AOPEP: variants seen among roughly 807,000 people sequenced by gnomAD.
The protein encoded by AOPEP is aminopeptidase O.
A neutral mutation model predicts 98.1 loss-of-function variants in AOPEP; 77 were observed. The observed-to-expected ratio is 0.78, with a 90% confidence interval of 0.65 to 0.95. The LOEUF (loss-of-function observed/expected upper bound fraction) is 0.95, where lower values mean the gene tolerates loss of function less well. Ranked by LOEUF, AOPEP falls within the 40% of genes least tolerant of loss-of-function variation. AOPEP has a pLI of 0.00. For synonymous variants in AOPEP, 346 were observed against 365.3 expected (o/e 0.95, Z 0.60); for missense variants, 1,024 against 1,024.7 (o/e 1.00, Z 0.01).
At chr9:95,138,976 T>C in the AOPEP span, among the ~76,000 whole-genome samples, 4 of 152,222 alleles carry the variant, frequency 2.6e-5, no homozygotes, top group African/African-American at 9.6e-5. Flanking sequence ...CTGTGTTTAA[T>C]ATTTGGATAG....
intron 7 of AOPEP, among the ~76,000 whole-genome samples, chr9:94,940,788 C>T (rs754632858): frequency 6.6e-6 from 1 of 152,002 alleles, no homozygotes; most frequent in Non-Finnish European, 1.5e-5. Flanking sequence ...TTCTGATTTC[C>T]TCAGCCTGGC....
chr9:95,022,218 G>C (rs1003048379), intron 13 of AOPEP: 1 of 152,178 alleles, frequency 6.6e-6, no homozygotes, highest in Non-Finnish European at 1.5e-5. Context: ...GATGTTCCAG[G>C]TGTCTAGAGG....
chr9:94,963,339 A>G (rs1433726243), intron 9 of AOPEP, among the ~76,000 whole-genome samples: 1 of 152,196 alleles, frequency 6.6e-6, no homozygotes, highest in Non-Finnish European at 1.5e-5. Context: ...AAAAATAGTT[A>G]CCAAATTAGC....
intron 16 of AOPEP, among the ~76,000 whole-genome samples, chr9:95,084,329 T>G (rs918007860): frequency 1.3e-5 from 2 of 152,230 alleles, no homozygotes; most frequent in African/African-American, 2.4e-5. Context: ...TAAAAAGTTT[T>G]TCAGAAGCAT....
intron 11 of AOPEP, among the ~76,000 whole-genome samples, chr9:94,993,872 A>T (rs1412050311): frequency 1.3e-5 from 2 of 152,150 alleles, no homozygotes; most frequent in Non-Finnish European, 2.9e-5. Flanking sequence ...TGGGACTCAG[A>T]CTCCAGGGCA....
In AOPEP at chr9:94,760,297, A is replaced by G; in HGVS notation, c.514A>G (p.Arg172Gly). 1 of 1,614,166 alleles carries G rather than the reference A, an allele frequency of 6.2e-7. No individual in the cohort carries two copies. The highest frequency in any genetic ancestry group is 8.5e-7 in the Non-Finnish European group (1 of 1,180,026). ...AAVPGLEKFT[R>G]SPELTVVSEE... is the part of the protein sequence containing the mutation. Reference sequence around the variant, plus strand: ...TGTGCCAGGTCTGGAAAAATTTACAAGGTCTCCTGAGCTCACGGTTGTTTC... The same window carrying G: ...TGTGCCAGGTCTGGAAAAATTTACAGGGTCTCCTGAGCTCACGGTTGTTTC... The change falls in exon 2 of 17, where the codon AGG (arginine) becomes GGG (glycine). Residue 172 changes from arginine (R) to glycine (G), a missense_variant. By Grantham distance (125) the Arg-to-Gly change is moderately radical (BLOSUM62 -2). Coordinates refer to ENST00000375315, the MANE Select transcript of AOPEP (RefSeq NM_001193329.3).
At chr9:94,912,896 T>C (rs1161570859) in intron 5 of AOPEP, among the ~76,000 whole-genome samples, 1 of 152,240 alleles carries the variant, frequency 6.6e-6, no homozygotes, top group Non-Finnish European at 1.5e-5. Flanking sequence ...TGCCAGTCAC[T>C]GCACCAGCCC....
intron 1 of AOPEP, among the ~76,000 whole-genome samples, chr9:94,730,621 C>G (rs897225825): frequency 2.6e-5 from 4 of 152,158 alleles, no homozygotes; most frequent in African/African-American, 9.7e-5. Flanking sequence ...TAGGATCTCT[C>G]TATCTTCGGA....
At chr9:94,821,778 T>C (rs1200579168) in intron 5 of AOPEP, among the ~76,000 whole-genome samples, 1 of 152,234 alleles carries the variant, frequency 6.6e-6, no homozygotes, top group African/African-American at 2.4e-5. Flanking sequence ...TTTTTCTTTT[T>C]GGTGGTAACA....
intron 9 of AOPEP, among the ~76,000 whole-genome samples, chr9:94,958,061 C>T (rs965037686): frequency 2.0e-5 from 3 of 152,170 alleles, no homozygotes; most frequent in Non-Finnish European, 4.4e-5. Flanking sequence ...TTTCCTCCCC[C>T]AGCCCCAGCA....
intron 1 of AOPEP, among the ~76,000 whole-genome samples, chr9:94,731,622 C>T (rs1007238796): frequency 3.3e-5 from 5 of 151,846 alleles, no homozygotes; most frequent in African/African-American, 1.2e-4. Flanking sequence ...CCAAAAAGCC[C>T]TGGTTTCTGT....
At chr9:94,763,888 A>G (rs1420645809) in intron 2 of AOPEP, among the ~76,000 whole-genome samples, 1 of 152,214 alleles carries the variant, frequency 6.6e-6, no homozygotes, top group Non-Finnish European at 1.5e-5. Flanking sequence ...TAAACAAATG[A>G]GGAAGAATAG....
the AOPEP span, chr9:95,107,272 G>A: frequency 1.4e-3 from 2,248 of 1,613,362 alleles, 35 homozygotes; most frequent in African/African-American, 0.027. Flanking sequence ...ACCTGGACCT[G>A]GGCAATAGTA....
chr9:95,126,640 G>T, the AOPEP span: 3 of 1,550,096 alleles, frequency 1.9e-6, no homozygotes, highest in Non-Finnish European at 2.7e-6. Context: ...TCAGAAACTT[G>T]CTATTATCAG....
intron 5 of AOPEP, among the ~76,000 whole-genome samples, chr9:94,903,623 T>TAA (rs11375914): frequency 0.019 from 2,533 of 136,450 alleles, 58 homozygotes; most frequent in African/African-American, 0.051. Context: ...ACTCCATCTC[T>TAA]AAAAAAAAAA....
At chr9:95,074,473 T>A (rs2068832551) in intron 14 of AOPEP, among the ~76,000 whole-genome samples, 1 of 152,214 alleles carries the variant, frequency 6.6e-6, no homozygotes, top group Non-Finnish European at 1.5e-5. Context: ...ATGGAGGCTT[T>A]GGAAACCCGG....
At chr9:94,954,976 A>G (rs1173081086) in intron 7 of AOPEP, among the ~76,000 whole-genome samples, 1 of 152,212 alleles carries the variant, frequency 6.6e-6, no homozygotes, top group Non-Finnish European at 1.5e-5. Flanking sequence ...ATATTTGCCA[A>G]TAGCCAACTT....
intron 7 of AOPEP, chr9:94,932,284 G>GA (rs1440103082): frequency 7.1e-6 from 7 of 984,084 alleles, no homozygotes; most frequent in Non-Finnish European, 4.8e-6. Context: ...AAGACATTGA[G>GA]AAAAAGGAAC....
chr9:95,025,154 G>A (rs2063744865), intron 13 of AOPEP, among the ~76,000 whole-genome samples: 1 of 152,142 alleles, frequency 6.6e-6, no homozygotes, highest in Non-Finnish European at 1.5e-5. Flanking sequence ...GGTCTACAGT[G>A]CTCACCTGCT....
Sources: gnomAD v4.1 joint callset for allele counts (sites outside exome capture counted in the v4.1 genomes callset) on GRCh38, gnomAD v4.1.1 for gene constraint, MANE v1.5 for transcripts, NCBI Gene and HGNC (gene_info 2026-07-23, HGNC 2026-07-21) for gene names.